CAST: variants seen among roughly 807,000 people sequenced by gnomAD.
CAST encodes the protein MIR583 host.
CAST carries 76 observed loss-of-function variants against 119.6 expected under a neutral mutation model. That is an observed-to-expected ratio of 0.64 (90% confidence interval 0.53 to 0.77). The LOEUF is 0.77. Ranked by LOEUF, CAST falls within the 30% of genes least tolerant of loss-of-function variation. The probability of loss-of-function intolerance (pLI) is 0.00; values close to 1 mark genes in which losing one functional copy is unlikely to be tolerated. For synonymous variants in CAST, 319 were observed against 331.6 expected, an observed-to-expected ratio of 0.96 and a Z score of 0.41; for missense variants, 953 against 946.5, an observed-to-expected ratio of 1.01 and a Z score of -0.09.
chr5:96,121,153 A>G, the CAST span, among the ~76,000 whole-genome samples: 1 of 152,154 alleles, frequency 6.6e-6, no homozygotes, highest in Admixed American at 6.6e-5. Context: ...GCCCACTGGA[A>G]TGTAAGCTTC....
At chr5:96,392,882 T>C in the CAST span, 1 of 1,012,546 alleles carries the variant, frequency 9.9e-7, no homozygotes. Flanking sequence ...AAAGAAAAGG[T>C]GCCACAAAGG....
At chr5:96,397,306 G>A in the CAST span, 1 of 1,601,832 alleles carries the variant, frequency 6.2e-7, no homozygotes. Flanking sequence ...AAGTAAGCTT[G>A]TGTTTTTTCA....
the CAST span, among the ~76,000 whole-genome samples, chr5:96,263,695 A>G: frequency 3.3e-4 from 50 of 152,314 alleles, no homozygotes; most frequent in Non-Finnish European, 5.9e-4. Flanking sequence ...CCATTTTTAC[A>G]CTGCTATAAA....
chr5:96,747,454 G>A, intron 18 of CAST, 62 bp downstream of exon 18: 1 of 1,111,832 alleles, frequency 9.0e-7, no homozygotes, highest in Non-Finnish European at 1.4e-6. Context: ...TATGAATTAA[G>A]ATAATTTTGA....
the CAST span, among the ~76,000 whole-genome samples, chr5:96,352,662 G>C: frequency 6.6e-6 from 1 of 152,094 alleles, no homozygotes; most frequent in African/African-American, 2.4e-5. Context: ...ACGTGCTTAG[G>C]TTTTCTGGAC....
At chr5:96,761,334 A>G (rs928102828) in intron 24 of CAST, 5 of 152,262 alleles carry the variant, frequency 3.3e-5, no homozygotes, top group African/African-American at 4.8e-5. Flanking sequence ...TCTCATAACT[A>G]AAAATGAATT....
At chr5:96,332,524 G>A in the CAST span, among the ~76,000 whole-genome samples, 8 of 152,040 alleles carry the variant, frequency 5.3e-5, no homozygotes, top group Non-Finnish European at 1.0e-4. Context: ...GGTTGTGTAC[G>A]TCTAAAATCA....
chr5:96,751,568 G>T (rs1765056138), intron 20 of CAST, among the ~76,000 whole-genome samples: 1 of 152,136 alleles, frequency 6.6e-6, no homozygotes, highest in African/African-American at 2.4e-5. Context: ...GTTTTTTGGG[G>T]TTTCAGGGTA....
chr5:96,093,626 G>A, the CAST span, among the ~76,000 whole-genome samples: 15 of 152,316 alleles, frequency 9.8e-5, no homozygotes, highest in South Asian at 2.1e-4. Context: ...GAGCTACAGC[G>A]TATCTTAACA....
chr5:96,181,848 A>G, the CAST span, among the ~76,000 whole-genome samples: 1 of 152,242 alleles, frequency 6.6e-6, no homozygotes, highest in Non-Finnish European at 1.5e-5. Flanking sequence ...TAGATGAGTT[A>G]GAGGTTATTA....
At chr5:96,452,640 TAAAAAAAAAAAAA>T in the CAST span, among the ~76,000 whole-genome samples, 1 of 90,140 alleles carries the variant, frequency 1.1e-5, no homozygotes, top group Non-Finnish European at 2.0e-5. Flanking sequence ...TAAAGTATAA[TAAAAAAAAAAAAA>T]AAAAAAAAAA....
At chr5:96,587,230 G>C (rs917624795) in intron 1 of CAST, among the ~76,000 whole-genome samples, 1 of 152,190 alleles carries the variant, frequency 6.6e-6, no homozygotes, top group African/African-American at 2.4e-5. Context: ...GACTTTAAGA[G>C]CAACCCATTA....
At chr5:96,168,844 G>A in the CAST span, among the ~76,000 whole-genome samples, 1 of 152,126 alleles carries the variant, frequency 6.6e-6, no homozygotes, top group Non-Finnish European at 1.5e-5. Context: ...GAGCTGGGAA[G>A]CAAAAAGTAT....
At chr5:96,357,618 T>C in the CAST span, among the ~76,000 whole-genome samples, 38 of 152,366 alleles carry the variant, frequency 2.5e-4, no homozygotes, top group African/African-American at 8.7e-4. Flanking sequence ...GTTCTGTTTA[T>C]GTGATGGATT....
chr5:96,146,885 A>T, the CAST span, among the ~76,000 whole-genome samples: 1 of 152,228 alleles, frequency 6.6e-6, no homozygotes, highest in Non-Finnish European at 1.5e-5. Flanking sequence ...AAGAGAGTGA[A>T]GAATGAAGCA....
At chr5:96,127,001 T>A in the CAST span, among the ~76,000 whole-genome samples, 383 of 152,230 alleles carry the variant, frequency 2.5e-3, 1 homozygote, top group Non-Finnish European at 3.8e-3. Flanking sequence ...GACTTTTGTA[T>A]GTTAGGGGCA....
intron 9 of CAST, among the ~76,000 whole-genome samples, chr5:96,732,397 A>G (rs1252043562): frequency 8.2e-6 from 1 of 122,068 alleles, no homozygotes; most frequent in East Asian, 2.2e-4. Context: ...TAGATTCTGG[A>G]TATTAGCCCT....
At chr5:96,457,025 T>C in the CAST span, among the ~76,000 whole-genome samples, 1 of 152,192 alleles carries the variant, frequency 6.6e-6, no homozygotes, top group African/African-American at 2.4e-5. Context: ...GTCAGTTAAA[T>C]CTCTTTCCTT....
At chr5:96,495,142 T>G in the CAST span, among the ~76,000 whole-genome samples, 2 of 130,170 alleles carry the variant, frequency 1.5e-5, no homozygotes, top group African/African-American at 2.8e-5. Flanking sequence ...AAAAAAAAAG[T>G]GTGTCCATGT....
Sources: gnomAD v4.1 joint callset for allele counts (sites outside exome capture counted in the v4.1 genomes callset) on GRCh38, gnomAD v4.1.1 for gene constraint, MANE v1.5 for transcripts, NCBI Gene and HGNC (gene_info 2026-07-23, HGNC 2026-07-21) for gene names.